The following FARS2 variants were observed in gnomAD, a reference collection of about 807,000 sequenced individuals.
The protein encoded by FARS2 is phenylalanyl-tRNA synthetase 2, mitochondrial, also known as phenylalanine--tRNA ligase, mitochondrial.
FARS2 carries 40 observed loss-of-function variants against 46.4 expected under a neutral mutation model. The ratio of observed to expected loss-of-function variants is 0.86; its 90% CI spans 0.67 to 1.12. The LOEUF (loss-of-function observed/expected upper bound fraction) is 1.12. Ranked by LOEUF, FARS2 falls within the 50% of genes most tolerant of loss-of-function variation. FARS2 has a pLI of 0.00. For missense variants in FARS2, 513 were observed against 567.9 expected (o/e 0.90, Z 0.98); for synonymous variants, 234 against 214.9 (o/e 1.09, Z -0.78).
intron 4 of FARS2, among the ~76,000 whole-genome samples, chr6:5,530,792 C>A (rs144802243): frequency 6.9e-6 from 1 of 144,324 alleles, no homozygotes; most frequent in South Asian, 2.1e-4. Context: ...TAATATAGAA[C>A]TATATATTGA....
chr6:5,291,651 C>T (rs1017666324), intron 1 of FARS2, among the ~76,000 whole-genome samples: 2 of 151,892 alleles, frequency 1.3e-5, no homozygotes, highest in African/African-American at 4.8e-5. Flanking sequence ...TGCCTATAGT[C>T]TCAGCTACTA....
At chr6:5,255,525 C>T in the FARS2 span, among the ~76,000 whole-genome samples, 3,012 of 151,828 alleles carry the variant, frequency 0.02, 89 homozygotes, top group African/African-American at 0.069. Flanking sequence ...ATGATAAATG[C>T]GTCCCACATA....
intron 1 of FARS2, among the ~76,000 whole-genome samples, chr6:5,290,392 T>C (rs563648747): frequency 1.3e-5 from 2 of 152,324 alleles, no homozygotes; most frequent in East Asian, 3.9e-4. Context: ...CCTCTGAGAT[T>C]GCAAACTCCA....
chr6:5,411,957 C>G (rs1373211449), intron 3 of FARS2, among the ~76,000 whole-genome samples: 1 of 152,176 alleles, frequency 6.6e-6, no homozygotes, highest in Non-Finnish European at 1.5e-5. Flanking sequence ...CTCTTTCTGT[C>G]CTTGAGTTTC....
chr6:5,367,481 CTG>C (rs1758760831), intron 1 of FARS2, among the ~76,000 whole-genome samples: 2 of 152,048 alleles, frequency 1.3e-5, no homozygotes, highest in African/African-American at 4.8e-5. Context: ...GAAGAAGACA[CTG>C]TGTGAGTGGT....
chr6:5,376,539 C>T (rs1264755995), intron 2 of FARS2, among the ~76,000 whole-genome samples: 1 of 152,012 alleles, frequency 6.6e-6, no homozygotes, highest in Non-Finnish European at 1.5e-5. Context: ...GTTAAAAAGT[C>T]TCAAAAACCC....
intron 1 of FARS2, among the ~76,000 whole-genome samples, chr6:5,332,857 A>G (rs1363818006): frequency 1.3e-5 from 2 of 152,236 alleles, no homozygotes; most frequent in Non-Finnish European, 2.9e-5. Flanking sequence ...GATGAACCGC[A>G]TTAAAAGGGT....
chr6:5,387,400 A>C (rs527656858), intron 2 of FARS2, among the ~76,000 whole-genome samples: 2 of 152,348 alleles, frequency 1.3e-5, no homozygotes, highest in African/African-American at 4.8e-5. Context: ...ATGTTTATGA[A>C]TGGGAATACA....
intron 4 of FARS2, among the ~76,000 whole-genome samples, chr6:5,513,253 G>A (rs148086134): frequency 6.6e-6 from 1 of 152,226 alleles, no homozygotes; most frequent in Non-Finnish European, 1.5e-5. Context: ...TGTGAACAGC[G>A]AGGTTATTAC....
intron 6 of FARS2, among the ~76,000 whole-genome samples, chr6:5,759,872 C>T (rs1762396321): frequency 1.3e-5 from 2 of 152,214 alleles, no homozygotes; most frequent in South Asian, 4.1e-4. Context: ...GAAGACCCCT[C>T]TGGTGCCTTA....
chr6:5,299,091 G>A (rs761162256), intron 1 of FARS2, among the ~76,000 whole-genome samples: 87 of 152,138 alleles, frequency 5.7e-4, no homozygotes, highest in Non-Finnish European at 1.1e-3. Flanking sequence ...AGAGCCTTGC[G>A]TTTTGGAAGA....
chr6:5,545,699 A>G (rs1304979577), intron 5 of FARS2, among the ~76,000 whole-genome samples: 1 of 152,144 alleles, frequency 6.6e-6, no homozygotes, highest in Non-Finnish European at 1.5e-5. Flanking sequence ...TATGAGTGAG[A>G]ACATGTGGTG....
intron 4 of FARS2, among the ~76,000 whole-genome samples, chr6:5,479,277 C>T (rs940221895): frequency 6.6e-6 from 1 of 152,132 alleles, no homozygotes; most frequent in African/African-American, 2.4e-5. Flanking sequence ...GGGTGTGTGC[C>T]CTCTTTCTTG....
chr6:5,276,092 C>G (rs1473488257), intron 1 of FARS2, among the ~76,000 whole-genome samples: 1 of 152,054 alleles, frequency 6.6e-6, no homozygotes, highest in Non-Finnish European at 1.5e-5. Flanking sequence ...AAAGTAGGCT[C>G]AATGGGGGAG....
At chr6:5,432,569 A>G (rs1582090526) in intron 4 of FARS2, among the ~76,000 whole-genome samples, 1 of 140,214 alleles carries the variant, frequency 7.1e-6, no homozygotes, top group African/African-American at 2.7e-5. Context: ...AAAAAAAGGG[A>G]AAGTTGGTTT....
chr6:5,538,371 GC>G (rs768882058), intron 4 of FARS2, among the ~76,000 whole-genome samples: 2 of 152,100 alleles, frequency 1.3e-5, no homozygotes, highest in Non-Finnish European at 2.9e-5. Context: ...GATAATCAGG[GC>G]AAAGAGGAAA....
intron 4 of FARS2, 137 bp downstream of exon 4, chr6:5,431,309 C>G: frequency 1.1e-6 from 1 of 869,906 alleles, no homozygotes; most frequent in Non-Finnish European, 1.8e-6. Context: ...TCAGATTCCC[C>G]TCTAGATTTG....
chr6:5,377,136 C>T (rs1272692643), intron 2 of FARS2, among the ~76,000 whole-genome samples: 2 of 152,196 alleles, frequency 1.3e-5, no homozygotes, highest in Non-Finnish European at 2.9e-5. Flanking sequence ...TTGGCAGGCC[C>T]ACCAGAGGAA....
chr6:5,405,925 C>T (rs191288072), intron 3 of FARS2, among the ~76,000 whole-genome samples: 19 of 152,290 alleles, frequency 1.2e-4, no homozygotes, highest in African/African-American at 3.8e-4. Context: ...CAGTATATTT[C>T]GTGCAGGAGG....
Sources: allele counts gnomAD v4.1 joint callset (sites outside exome capture counted in the v4.1 genomes callset), GRCh38; gene constraint gnomAD v4.1.1; transcripts MANE v1.5; gene names NCBI Gene and HGNC (gene_info 2026-07-23, HGNC 2026-07-21).